The following ANKRD44 variants were observed in gnomAD, a reference collection of about 807,000 sequenced individuals.
ANKRD44 encodes serine/threonine-protein phosphatase 6 regulatory ankyrin repeat subunit B.
In ANKRD44, 35 loss-of-function variants were observed where a neutral mutation model predicts 116.0. The ratio of observed to expected loss-of-function variants is 0.30; its 90% CI spans 0.23 to 0.40. The LOEUF (loss-of-function observed/expected upper bound fraction) is 0.40, where lower values mean the gene tolerates loss of function less well. Ranked by LOEUF, ANKRD44 falls within the 10% of genes least tolerant of loss-of-function variation. The probability of loss-of-function intolerance (pLI) is 1.00; values close to 1 mark genes in which losing one functional copy is unlikely to be tolerated. For synonymous variants in ANKRD44, 435 were observed against 461.8 expected (o/e 0.94, Z 0.74); for missense variants, 1,014 against 1,242.6 (o/e 0.82, Z 2.77).
In ANKRD44 at chr2:196,987,566, A is replaced by G. The variant is rs1296767477; in HGVS notation, c.*2025T>C. On this transcript the variant is annotated 3_prime_UTR_variant, in exon 28 of 28. Transcript: ENST00000282272. ...GATGTTCTTGTTCTAATTTAATAAC[A>G]AAATGATAAACCAAGCAGTGTTTAC... 1 of 985,350 alleles carries G rather than the reference A, an allele frequency of 1.0e-6. No homozygotes were observed. The highest frequency in any genetic ancestry group is 1.7e-5 in the African/African-American group (1 of 57,256). The allele number at this position is 985,350 out of a possible 1,614,324, so 61.0% of individuals were successfully genotyped here.
At chr2:197,267,235 G>A (rs2082765338) in intron 1 of ANKRD44, among the ~76,000 whole-genome samples, 1 of 152,196 alleles carries the variant, frequency 6.6e-6, no homozygotes, top group Non-Finnish European at 1.5e-5. Flanking sequence ...TGCACATTCT[G>A]TATTTCAAGG....
chr2:197,103,572 G>A (rs191355343), intron 9 of ANKRD44, among the ~76,000 whole-genome samples: 1 of 152,116 alleles, frequency 6.6e-6, no homozygotes, highest in African/African-American at 2.4e-5. Context: ...GTTTCTTTTT[G>A]TACTGATGTC....
intron 10 of ANKRD44, among the ~76,000 whole-genome samples, chr2:197,094,363 G>C (rs1488368552): frequency 6.6e-6 from 1 of 152,210 alleles, no homozygotes; most frequent in Non-Finnish European, 1.5e-5. Context: ...AGGACCCATT[G>C]AGATAATGTT....
chr2:197,080,759 A>G (rs1424265577), intron 15 of ANKRD44, among the ~76,000 whole-genome samples: 5 of 152,160 alleles, frequency 3.3e-5, no homozygotes. Context: ...AGCACAGTGG[A>G]AAACCCTGGA....
intron 16 of ANKRD44, among the ~76,000 whole-genome samples, chr2:197,055,813 C>G (rs2125031051): frequency 6.6e-6 from 1 of 152,148 alleles, no homozygotes; most frequent in East Asian, 1.9e-4. Flanking sequence ...TAATACCATA[C>G]TGTTTTTCTC....
At chr2:197,025,620 T>C (rs2124836400) in intron 16 of ANKRD44, among the ~76,000 whole-genome samples, 2 of 152,286 alleles carry the variant, frequency 1.3e-5, no homozygotes, top group African/African-American at 4.8e-5. Context: ...AGCTTACATT[T>C]TGGAAAAACG....
At chr2:197,117,327 C>T (rs1174826416) in intron 8 of ANKRD44, among the ~76,000 whole-genome samples, 1 of 152,140 alleles carries the variant, frequency 6.6e-6, no homozygotes, top group Non-Finnish European at 1.5e-5. Flanking sequence ...GCAACCTACG[C>T]CTCTCAGATT....
At position 197,007,751 on chromosome 2, in the gene ANKRD44, G is replaced by A. The variant is rs1022609136; in HGVS notation, c.2130+55C>T. 9.4e-6 allele frequency: 11 copies of A among 1,170,170 alleles called. No individual in the cohort carries two copies. In the African/African-American group the frequency reaches 1.2e-4, roughly 13 times the overall value. 72.5% of individuals were successfully genotyped at this position (1,170,170 alleles called of 1,614,324 possible). On this transcript the variant is annotated intron_variant, in intron 20 of 27. Transcript: ENST00000282272. ...CCCTTTGTAATTGTTTGCTAAAAAA[G>A]AAAACAAGCTCATTAAAAAAATTGC...
chr2:197,067,674 C>A (rs34281039), intron 16 of ANKRD44, among the ~76,000 whole-genome samples: 14,325 of 118,508 alleles, frequency 0.12, 1,044 homozygotes, highest in Non-Finnish European at 0.16. Flanking sequence ...TCATCTCACA[C>A]CAGTTAGAAT....
At position 197,136,577 on chromosome 2, in the gene ANKRD44, A is replaced by G. The variant is rs1460512033; in HGVS notation, c.261+15T>C. 1.9e-6 allele frequency: 3 copies of G among 1,610,944 alleles called. No individual in the cohort carries two copies. The highest frequency in any genetic ancestry group is 2.5e-6 in the Non-Finnish European group (3 of 1,177,244). On this transcript the variant is annotated intron_variant, in intron 4 of 27. Transcript: ENST00000282272. ...AGGCACAGTAGGTATTAGATTAAAT[A>G]TGGTAATCACTCACTTCACTTCTGG...
intron 1 of ANKRD44, among the ~76,000 whole-genome samples, chr2:197,282,035 C>T (rs1237584332): frequency 2.0e-5 from 3 of 152,080 alleles, no homozygotes; most frequent in East Asian, 1.9e-4. Flanking sequence ...GGGCAGATCA[C>T]GAGGTCAGGA....
chr2:197,172,527 G>A (rs373977543), intron 2 of ANKRD44, among the ~76,000 whole-genome samples: 1 of 152,130 alleles, frequency 6.6e-6, no homozygotes, highest in Non-Finnish European at 1.5e-5. Flanking sequence ...TGGCTTACAT[G>A]TCTGTCTCAC....
intron 2 of ANKRD44, among the ~76,000 whole-genome samples, chr2:197,165,637 G>T (rs765221012): frequency 2.6e-5 from 4 of 152,202 alleles, no homozygotes; most frequent in Non-Finnish European, 5.9e-5. Context: ...GGATAAGTTA[G>T]TCAACTGCTG....
chr2:197,200,547 T>C (rs1370933806), intron 1 of ANKRD44, among the ~76,000 whole-genome samples: 1 of 152,120 alleles, frequency 6.6e-6, no homozygotes, highest in Non-Finnish European at 1.5e-5. Flanking sequence ...CTGCAGAACA[T>C]CACACTAACA....
At chr2:197,099,673 T>C (rs2078243556) in intron 10 of ANKRD44, 143 bp downstream of exon 10, 13 of 1,322,950 alleles carry the variant, frequency 9.8e-6, no homozygotes, top group South Asian at 4.9e-5. Flanking sequence ...ACTTAATTTA[T>C]TTAAAATTTA....
At chr2:196,968,508 G>A (rs1316385331) in intron 21 of ANKRD44, among the ~76,000 whole-genome samples, 2 of 152,118 alleles carry the variant, frequency 1.3e-5, no homozygotes, top group African/African-American at 2.4e-5. Flanking sequence ...TACTTGCCTT[G>A]AACAGTCTGG....
At chr2:197,088,929 A>C (rs1357925782) in intron 11 of ANKRD44, 155 bp from the exon 12 acceptor site, 5 of 659,870 alleles carry the variant, frequency 7.6e-6, no homozygotes, top group Non-Finnish European at 1.2e-5. Flanking sequence ...CATGGAAACG[A>C]ATGGGAACTG....
At chr2:197,258,598 T>C (rs1414433937) in intron 1 of ANKRD44, among the ~76,000 whole-genome samples, 3 of 152,212 alleles carry the variant, frequency 2.0e-5, no homozygotes, top group African/African-American at 7.2e-5. Context: ...CTTTTGGATA[T>C]ATACCCAGAC....
At chr2:197,204,388 T>C (rs114718369) in intron 1 of ANKRD44, among the ~76,000 whole-genome samples, 295 of 152,278 alleles carry the variant, frequency 1.9e-3, no homozygotes, top group African/African-American at 6.7e-3. Context: ...ATCATTTTTG[T>C]AAACATAAAA....
Sources: allele counts gnomAD v4.1 joint callset (sites outside exome capture counted in the v4.1 genomes callset), GRCh38; gene constraint gnomAD v4.1.1; transcripts MANE v1.5; gene names NCBI Gene and HGNC (gene_info 2026-07-23, HGNC 2026-07-21).